Variants in SNTG2 observed in about 807,000 individuals in gnomAD.
SNTG2 encodes syntrophin gamma 2.
Under a neutral mutation model 70.9 loss-of-function variants are expected in SNTG2, and 74 were observed. That is an observed-to-expected ratio of 1.04 (90% CI 0.86 to 1.27). The LOEUF is 1.27. Ranked by LOEUF, SNTG2 falls within the 50% of genes most tolerant of loss-of-function variation. SNTG2 has a pLI of 0.00. For synonymous variants in SNTG2, 278 were observed against 273.8 expected (o/e 1.02, Z -0.15); for missense variants, 717 against 690.7 (o/e 1.04, Z -0.43).
At chr2:1,034,305 A>G (rs1197007511) in intron 1 of SNTG2, among the ~76,000 whole-genome samples, 4 of 152,198 alleles carry the variant, frequency 2.6e-5, no homozygotes, top group African/African-American at 7.2e-5. Context: ...TTATGACTGC[A>G]TAGTATTCCA....
chr2:1,157,992 G>T (rs766053493), intron 6 of SNTG2, among the ~76,000 whole-genome samples: 1 of 152,142 alleles, frequency 6.6e-6, no homozygotes, highest in Non-Finnish European at 1.5e-5. Context: ...TACCTTGGCC[G>T]GCCGGCAGGT....
At chr2:1,308,613 C>T (rs140284580) in intron 15 of SNTG2, 27 bp downstream of exon 15, 34 of 1,522,704 alleles carry the variant, frequency 2.2e-5, no homozygotes, top group African/African-American at 2.8e-5. Context: ...GCATCCATGC[C>T]GCCCCATTGC....
At chr2:1,169,692 C>G (rs1173977871) in intron 7 of SNTG2, among the ~76,000 whole-genome samples, 1 of 152,158 alleles carries the variant, frequency 6.6e-6, no homozygotes, top group African/African-American at 2.4e-5. Flanking sequence ...CACATAGTGA[C>G]TTCAATGAGC....
chr2:1,174,140 T>G (rs571872334), intron 8 of SNTG2, among the ~76,000 whole-genome samples: 1 of 152,306 alleles, frequency 6.6e-6, no homozygotes, highest in Non-Finnish European at 1.5e-5. Flanking sequence ...CAAATGCCCA[T>G]GAAATTGCAG....
intron 4 of SNTG2, among the ~76,000 whole-genome samples, chr2:1,099,682 T>TCGGTCCTCTGAAG (rs1665654137): frequency 6.3e-5 from 2 of 31,540 alleles, no homozygotes; most frequent in African/African-American, 1.9e-4. Context: ...TGAGGGCAGT[T>TCGGTCCTCTGAAG]GTGGTGAGGG....
chr2:1,283,000 C>T (rs1474965573), intron 14 of SNTG2, among the ~76,000 whole-genome samples: 2 of 152,280 alleles, frequency 1.3e-5, no homozygotes, highest in South Asian at 2.1e-4. Flanking sequence ...GAAGTGGCCA[C>T]GGAAGGTGAG....
intron 2 of SNTG2, among the ~76,000 whole-genome samples, chr2:1,090,323 T>C (rs1026517667): frequency 6.6e-6 from 1 of 152,244 alleles, no homozygotes; most frequent in Non-Finnish European, 1.5e-5. Context: ...TTAATAAGCC[T>C]AACTTTGCAA....
In SNTG2 at chr2:1,208,568, A is replaced by G. The variant is rs906526666; in HGVS notation, c.592-535A>G. ...GGTTGCATGGCTCCTTCACCTTCCC[A>G]GACGGGCTTCCTGTCGAGAGCCGCA... On this transcript the variant is annotated intron_variant, in intron 8 of 16. Coordinates refer to ENST00000308624, the MANE Select transcript of SNTG2 (RefSeq NM_018968.4). Among the ~76,000 whole-genome samples, 47 of 151,954 alleles carry G rather than the reference A, an allele frequency of 3.1e-4. 1 individual carries two copies. Among genetic ancestry groups the G allele is most frequent in the Admixed American group, 2.9e-3 (45 of 15,274 alleles).
At chr2:1,289,209 G>T (rs961409343) in intron 14 of SNTG2, among the ~76,000 whole-genome samples, 1 of 151,998 alleles carries the variant, frequency 6.6e-6, no homozygotes, top group Non-Finnish European at 1.5e-5. Flanking sequence ...TAGCAATGAT[G>T]CCAATCTTTA....
chr2:1,246,301 C>T (rs1558591289), intron 11 of SNTG2, among the ~76,000 whole-genome samples: 1 of 152,242 alleles, frequency 6.6e-6, no homozygotes, highest in Non-Finnish European at 1.5e-5. Flanking sequence ...ATTCTGTCCT[C>T]TAGCATCTCG....
At position 1,267,373 on chromosome 2, in the gene SNTG2, C is replaced by T. The variant is rs770919849; in HGVS notation, c.1086C>T (p.Leu362=). 6 of 1,599,166 alleles carry T rather than the reference C, an allele frequency of 3.8e-6. No homozygotes were observed. The highest frequency in any genetic ancestry group is 5.1e-6 in the Non-Finnish European group (6 of 1,172,166). The change falls in exon 14 of 17, where the codon CTC becomes CTT. Residue 362 remains leucine (L), a synonymous_variant. Transcript: ENST00000308624. ...EVLFKVHKFW[L]TEDCWLQANL... The stretch of plus-strand genomic sequence containing the variant: ...CATGCTCTGTTTTTCAGTTCTGGCT[C>T]ACAGAGGACTGCTGGTTGCAAGCAA...
chr2:1,153,255 T>TA (rs1453903050), intron 6 of SNTG2, among the ~76,000 whole-genome samples: 1 of 152,242 alleles, frequency 6.6e-6, no homozygotes, highest in Non-Finnish European at 1.5e-5. Flanking sequence ...ATCTTTTTTT[T>TA]ATTATCCATT....
intron 16 of SNTG2, among the ~76,000 whole-genome samples, chr2:1,333,390 A>G (rs1659635677): frequency 6.6e-6 from 1 of 152,140 alleles, no homozygotes; most frequent in African/African-American, 2.4e-5. Flanking sequence ...GTAATCTACA[A>G]ATTCAGTCCC....
At chr2:1,116,855 T>TGGGTGCTCTGGTGTAC in intron 4 of SNTG2, among the ~76,000 whole-genome samples, 1 of 144,634 alleles carries the variant, frequency 6.9e-6, no homozygotes, top group Non-Finnish European at 1.5e-5. Context: ...CCCTGGTGTG[T>TGGGTGCTCTGGTGTAC]GGGTGCTCTG....
chr2:1,203,496 TA>T (rs567779451), intron 8 of SNTG2, among the ~76,000 whole-genome samples: 75 of 134,944 alleles, frequency 5.6e-4, no homozygotes, highest in Admixed American at 6.7e-4. Context: ...CATCTCTACT[TA>T]AAAAAAAAAA....
chr2:1,329,286 A>G (rs1041303254), intron 16 of SNTG2, among the ~76,000 whole-genome samples: 6 of 152,362 alleles, frequency 3.9e-5, no homozygotes, highest in South Asian at 4.1e-4. Context: ...AAAAATGTCT[A>G]TCGCATTCTA....
chr2:1,034,364 A>G lies in SNTG2; in HGVS notation c.73-49154A>G, dbSNP rs1273748915. Among the ~76,000 whole-genome samples, 3 of 152,176 alleles carry G rather than the reference A, an allele frequency of 2.0e-5. No homozygotes were observed. The East Asian group carries it at 5.8e-4, about 29-fold the overall frequency. ...TTTATCCAATCTACCACTGATGAGT[A>G]TTTGGTTGATTCCATGTCTTTGTTA... On this transcript the variant is annotated intron_variant, in intron 1 of 16. Coordinates refer to ENST00000308624, the MANE Select transcript of SNTG2 (RefSeq NM_018968.4).
At chr2:1,225,766 T>A (rs923898665) in intron 9 of SNTG2, among the ~76,000 whole-genome samples, 3 of 152,184 alleles carry the variant, frequency 2.0e-5, no homozygotes, top group Non-Finnish European at 4.4e-5. Flanking sequence ...GGGATCTGAA[T>A]GAAGTAGAAA....
intron 13 of SNTG2, among the ~76,000 whole-genome samples, chr2:1,261,324 C>T (rs965709700): frequency 6.6e-6 from 1 of 152,112 alleles, no homozygotes; most frequent in South Asian, 2.1e-4. Context: ...ATCATAAGAA[C>T]TAATACTTTT....
Sources: gnomAD v4.1 joint callset for allele counts (sites outside exome capture counted in the v4.1 genomes callset) on GRCh38, gnomAD v4.1.1 for gene constraint, MANE v1.5 for transcripts, NCBI Gene and HGNC (gene_info 2026-07-23, HGNC 2026-07-21) for gene names.